CCDC30: variants seen among roughly 807,000 people sequenced by gnomAD.
CCDC30 encodes the protein coiled-coil domain-containing protein 30.
In CCDC30, 70 loss-of-function variants were observed where a neutral mutation model predicts 100.2. The observed-to-expected ratio is 0.70, with a 90% CI of 0.58 to 0.85. CCDC30 has a LOEUF of 0.85. CCDC30 is among the 40% of genes least tolerant of loss of function. The pLI, the probability that CCDC30 is intolerant of heterozygous loss-of-function variation, is 0.00. For missense variants in CCDC30, 652 were observed against 771.2 expected, an observed-to-expected ratio of 0.85 and a Z score of 1.83; for synonymous variants, 233 against 269.5, an observed-to-expected ratio of 0.86 and a Z score of 1.33.
At chr1:42,601,151 C>T (rs1272348744) in intron 10 of CCDC30, among the ~76,000 whole-genome samples, 1 of 152,110 alleles carries the variant, frequency 6.6e-6, no homozygotes, top group Non-Finnish European at 1.5e-5. Context: ...GACTTGTAAA[C>T]ACAAAAGTCA....
At chr1:42,482,914 C>A (rs6656344) in intron 3 of CCDC30, 98 bp downstream of exon 3, 327,757 of 847,576 alleles carry the variant, frequency 0.39, 65,500 homozygotes, top group South Asian at 0.55. Context: ...CACTGAGAAA[C>A]AAGTCTTTAA....
intron 6 of CCDC30, among the ~76,000 whole-genome samples, chr1:42,528,891 A>C (rs558661862): frequency 6.6e-6 from 1 of 152,330 alleles, no homozygotes; most frequent in East Asian, 1.9e-4. Context: ...TTTTATTTCA[A>C]AAGATGTTCA....
chr1:42,457,543 C>T, the CCDC30 span: 2 of 605,934 alleles, frequency 3.3e-6, no homozygotes, highest in Middle Eastern at 4.4e-4. Context: ...AATTACAATA[C>T]AGAGTGATAA....
chr1:42,609,833 G>A (rs1246056218), intron 10 of CCDC30, among the ~76,000 whole-genome samples: 1 of 152,130 alleles, frequency 6.6e-6, no homozygotes, highest in Non-Finnish European at 1.5e-5. Context: ...TGGCAAGAGA[G>A]GCACTGTAAT....
At chr1:42,473,218 C>A in intron 1 of CCDC30, 1 of 1,231,428 alleles carries the variant, frequency 8.1e-7, no homozygotes, top group East Asian at 3.2e-5. Context: ...GGTGCTTATT[C>A]CAGCCAGCAC....
intron 6 of CCDC30, among the ~76,000 whole-genome samples, chr1:42,563,647 A>G (rs113712651): frequency 0.14 from 20,644 of 152,188 alleles, 1,536 homozygotes; most frequent in East Asian, 0.17. Context: ...TTGGGAGGCC[A>G]AGGCGGGTGG....
Position 42,598,720 on chromosome 1 carries a change from T to C in CCDC30, c.1164+9237T>C, listed in dbSNP as rs1485390107. 5.3e-5 allele frequency among the ~76,000 whole-genome samples: 8 copies of C among 152,108 alleles called. 1 individual carries two copies. In the South Asian group the frequency reaches 1.2e-3, roughly 24 times the overall value. On this transcript the variant is annotated intron_variant, in intron 10 of 16. Transcript: ENST00000668663. ...AGAATGTCAAAGTTGGTCATGCCAC[T>C]GCACTTCAGCCAGGGTGACAGAGTG... is the stretch of plus-strand genomic sequence containing the variant.
chr1:42,490,223 G>A (rs1003872833), exon 4 of CCDC30: 2 of 1,198,370 alleles, frequency 1.7e-6, no homozygotes, highest in Middle Eastern at 4.2e-4. Context: ...AAAGCTGAAA[G>A]AAAATGGTAA....
chr1:42,520,032 C>G (rs1236251511), intron 6 of CCDC30, among the ~76,000 whole-genome samples: 1 of 151,928 alleles, frequency 6.6e-6, no homozygotes, highest in Non-Finnish European at 1.5e-5. Context: ...AAAGATTTGT[C>G]AATTTTGTTG....
the CCDC30 span, chr1:42,457,295 T>A: frequency 6.2e-7 from 1 of 1,614,212 alleles, no homozygotes; most frequent in Non-Finnish European, 8.5e-7. Context: ...GATTTCTATG[T>A]TCCTGTCTCT....
At chr1:42,595,154 A>T (rs550612786) in intron 10 of CCDC30, 1 of 151,554 alleles carries the variant, frequency 6.6e-6, no homozygotes, top group African/African-American at 2.4e-5. Flanking sequence ...ATTTTTTTTT[A>T]TTACTACAAG....
Position 42,532,483 on chromosome 1 carries a change from A to C in CCDC30, c.456+33567A>C, listed in dbSNP as rs548913544. 3.3e-5 allele frequency among the ~76,000 whole-genome samples: 5 copies of C among 152,358 alleles called. No homozygotes were observed. The East Asian group carries it at 9.6e-4, about 29-fold the overall frequency. ...GTTATTACACGTGTTCTCAGAGAACATGCTTAAAATAGAAGAAATGCTAGG... is the reference window on the plus strand; with the variant it reads ...GTTATTACACGTGTTCTCAGAGAACCTGCTTAAAATAGAAGAAATGCTAGG... On this transcript the variant is annotated intron_variant, in intron 6 of 16. Transcript: ENST00000668663.
chr1:42,576,254 A>G (rs1437748630), intron 7 of CCDC30, among the ~76,000 whole-genome samples: 1 of 152,228 alleles, frequency 6.6e-6, no homozygotes, highest in African/African-American at 2.4e-5. Flanking sequence ...GCCCCAGACT[A>G]GAGTGGTGGC....
chr1:42,548,760 G>T (rs762829830), intron 6 of CCDC30, among the ~76,000 whole-genome samples: 8 of 152,124 alleles, frequency 5.3e-5, no homozygotes, highest in Non-Finnish European at 1.2e-4. Context: ...TATGGGACTT[G>T]CAATCTTCCA....
At chr1:42,519,833 G>A (rs147520707) in intron 6 of CCDC30, among the ~76,000 whole-genome samples, 13 of 151,882 alleles carry the variant, frequency 8.6e-5, no homozygotes, top group Non-Finnish European at 1.6e-4. Flanking sequence ...GATTACAGGC[G>A]TGAGCCACCA....
upstream of CCDC30, chr1:42,459,550 C>A: frequency 7.1e-7 from 1 of 1,416,122 alleles, no homozygotes; most frequent in Non-Finnish European, 9.8e-7. Context: ...TGAGATTGAC[C>A]TGGTAGGTAA....
intron 14 of CCDC30, 29 bp downstream of exon 18, chr1:42,644,836 C>T: frequency 7.1e-7 from 1 of 1,412,114 alleles, no homozygotes. Context: ...ATTGGGCCTG[C>T]CTTTAATGTG....
intron 11 of CCDC30, among the ~76,000 whole-genome samples, chr1:42,612,178 A>G (rs544670205): frequency 1.3e-5 from 2 of 152,322 alleles, no homozygotes; most frequent in African/African-American, 2.4e-5. Flanking sequence ...CAAATTTGCT[A>G]TTTCCATAAA....
At chr1:42,549,698 T>A (rs1392212108) in intron 6 of CCDC30, among the ~76,000 whole-genome samples, 1 of 152,136 alleles carries the variant, frequency 6.6e-6, no homozygotes, top group Non-Finnish European at 1.5e-5. Context: ...AATATTTGAG[T>A]AAATGAAAAT....
Sources: gnomAD v4.1 joint callset for allele counts (sites outside exome capture counted in the v4.1 genomes callset) on GRCh38, gnomAD v4.1.1 for gene constraint, MANE v1.5 for transcripts, NCBI Gene and HGNC (gene_info 2026-07-23, HGNC 2026-07-21) for gene names.